ADD3: variants seen among roughly 807,000 people sequenced by gnomAD.
ADD3 encodes the protein adducin 3.
ADD3 carries 25 observed loss-of-function variants against 80.2 expected under a neutral mutation model. That is an observed-to-expected ratio of 0.31 (90% CI 0.23 to 0.44). The LOEUF (loss-of-function observed/expected upper bound fraction) is 0.44, where lower values mean the gene tolerates loss of function less well. Ranked by LOEUF, ADD3 falls within the 20% of genes least tolerant of loss-of-function variation. The pLI, the probability that ADD3 is intolerant of heterozygous loss-of-function variation, is 1.00. For synonymous variants in ADD3, 284 were observed against 289.6 expected, an observed-to-expected ratio of 0.98 and a Z score of 0.20; for missense variants, 829 against 847.5, an observed-to-expected ratio of 0.98 and a Z score of 0.27.
intron 1 of ADD3, among the ~76,000 whole-genome samples, chr10:110,039,339 TAAAAA>T (rs370308579): frequency 1.4e-5 from 2 of 144,646 alleles, no homozygotes; most frequent in African/African-American, 5.1e-5. Context: ...TTGGTGAAGT[TAAAAA>T]AAAAAAAGTG....
At chr10:110,072,740 A>G (rs1242330203) in intron 1 of ADD3, among the ~76,000 whole-genome samples, 7 of 152,212 alleles carry the variant, frequency 4.6e-5, no homozygotes, top group Non-Finnish European at 1.0e-4. Flanking sequence ...GGAGTTATCT[A>G]TGTGGTATTA....
chr10:110,133,645 T>A lies in ADD3; in HGVS notation c.*27T>A. 6.6e-7 allele frequency: 1 copy of A among 1,509,426 alleles called. No homozygotes were observed. Among genetic ancestry groups the A allele is most frequent in the Non-Finnish European group, 8.9e-7 (1 of 1,128,076 alleles). 93.5% of individuals were successfully genotyped at this position (1,509,426 alleles called of 1,614,324 possible). ...TAAAGTCTTTTTATAATTATTATTATAACAATGTGACATTGCACATCTAAA... is the reference window on the plus strand; with the variant it reads ...TAAAGTCTTTTTATAATTATTATTAAAACAATGTGACATTGCACATCTAAA... On this transcript the variant is annotated 3_prime_UTR_variant, in exon 15 of 15. Transcript: ENST00000356080.
rs993740625 is a variant in ADD3 at position 110,132,494 on chromosome 10, A to T, written c.1828+94A>T. On this transcript the variant is annotated intron_variant, in intron 14 of 14. Coordinates refer to ENST00000356080, the MANE Select transcript of ADD3 (RefSeq NM_016824.5). Reference sequence around the variant, plus strand: ...TTCACGTGAGGAAGTTGAATACCTCATCACAGTAAGTTTTCCATATTTTAC... The same window carrying T: ...TTCACGTGAGGAAGTTGAATACCTCTTCACAGTAAGTTTTCCATATTTTAC... 24 of 712,294 alleles carry T rather than the reference A, an allele frequency of 3.4e-5. No individual in the cohort carries two copies. The African/African-American group carries it at 4.1e-4, about 12-fold the overall frequency. The allele number at this position is 712,294 out of a possible 1,614,324, so 44.1% of individuals were successfully genotyped here. A position where few individuals can be genotyped will look rare whatever the true frequency, so the allele number is the denominator to read the frequency against.
chr10:110,015,374 T>C (rs1852839271), intron 1 of ADD3, among the ~76,000 whole-genome samples: 1 of 151,686 alleles, frequency 6.6e-6, no homozygotes, highest in Non-Finnish European at 1.5e-5. Context: ...ATTAGAATGT[T>C]TGATTTTTTT....
chr10:109,999,262 T>C (rs1851437552), intron 1 of ADD3, among the ~76,000 whole-genome samples: 1 of 152,222 alleles, frequency 6.6e-6, no homozygotes, highest in Non-Finnish European at 1.5e-5. Context: ...TATATTTTGC[T>C]GTCCATGTTC....
intron 1 of ADD3, among the ~76,000 whole-genome samples, chr10:110,040,936 C>G (rs1210353429): frequency 9.8e-6 from 1 of 101,974 alleles, no homozygotes; most frequent in Non-Finnish European, 2.1e-5. Flanking sequence ...CTCGCTCTCT[C>G]TCTCTCTCGC....
intron 1 of ADD3, among the ~76,000 whole-genome samples, chr10:110,073,807 T>G (rs948009283): frequency 3.9e-5 from 6 of 152,214 alleles, no homozygotes; most frequent in African/African-American, 1.4e-4. Context: ...CTCTGTGCTA[T>G]CTGTTGGAAT....
chr10:110,012,915 G>T (rs938825384), intron 1 of ADD3, among the ~76,000 whole-genome samples: 1 of 152,082 alleles, frequency 6.6e-6, no homozygotes, highest in African/African-American at 2.4e-5. Flanking sequence ...TTAAGGTAAG[G>T]TTAGATCTAA....
intron 1 of ADD3, among the ~76,000 whole-genome samples, chr10:110,090,660 T>C (rs1404198868): frequency 6.6e-6 from 1 of 152,256 alleles, no homozygotes; most frequent in Non-Finnish European, 1.5e-5. Flanking sequence ...TTAATTCATA[T>C]TATATTTTTA....
intron 1 of ADD3, among the ~76,000 whole-genome samples, chr10:110,080,419 A>G (rs1845936892): frequency 6.6e-6 from 1 of 152,222 alleles, no homozygotes; most frequent in African/African-American, 2.4e-5. Context: ...AAAAACATCT[A>G]TTGTATATAT....
chr10:110,080,235 T>TG lies in ADD3; in HGVS notation c.-29-20386dup, dbSNP rs1845917161. The stretch of plus-strand genomic sequence containing the variant: ...AAGTCGGGTAACTTGGGTGTGGTAT[T>TG]GGGGTGGGTCACCTGACCTCCTTGA... On this transcript the variant is annotated intron_variant, in intron 1 of 14. Coordinates refer to ENST00000356080, the MANE Select transcript of ADD3 (RefSeq NM_016824.5). Among the ~76,000 whole-genome samples the TG allele has an allele frequency of 3.9e-5, 6 of 152,300 alleles. No homozygotes were observed. The South Asian group carries it at 1.2e-3, about 32-fold the overall frequency.
intron 8 of ADD3, among the ~76,000 whole-genome samples, chr10:110,119,909 TGTG>T (rs1225370691): frequency 6.6e-6 from 1 of 152,210 alleles, no homozygotes; most frequent in Non-Finnish European, 1.5e-5. Context: ...TCAAATGTGT[TGTG>T]GTCACTTTTG....
chr10:110,111,560 C>T (rs1163016181), intron 2 of ADD3, among the ~76,000 whole-genome samples: 1 of 152,102 alleles, frequency 6.6e-6, no homozygotes, highest in African/African-American at 2.4e-5. Flanking sequence ...CTCACCCACC[C>T]CACCCCCAAA....
At chr10:110,086,313 G>A (rs1193901347) in intron 1 of ADD3, among the ~76,000 whole-genome samples, 1 of 148,750 alleles carries the variant, frequency 6.7e-6, no homozygotes, top group East Asian at 2.0e-4. Context: ...AGGAGGCTGA[G>A]GCAGGAGAAT....
chr10:110,032,033 C>CA (rs1164436808), intron 1 of ADD3, among the ~76,000 whole-genome samples: 4 of 152,052 alleles, frequency 2.6e-5, no homozygotes, highest in African/African-American at 9.6e-5. Context: ...AAATCAGTCA[C>CA]AAAAAATGTT....
intron 1 of ADD3, among the ~76,000 whole-genome samples, chr10:110,035,686 C>G (rs966123565): frequency 1.3e-5 from 2 of 152,166 alleles, no homozygotes; most frequent in Non-Finnish European, 2.9e-5. Flanking sequence ...CCATAAATTG[C>G]TAGGCCACAC....
chr10:110,011,657 T>C (rs763908217), intron 1 of ADD3, among the ~76,000 whole-genome samples: 16 of 152,228 alleles, frequency 1.1e-4, no homozygotes, highest in Non-Finnish European at 2.1e-4. Flanking sequence ...ACTTTAAATA[T>C]CTAATCGAGT....
chr10:110,116,230 ATC>A (rs770076871), intron 3 of ADD3, 27 bp from the exon 4 acceptor site: 27 of 1,611,146 alleles, frequency 1.7e-5, no homozygotes, highest in East Asian at 2.2e-5. Flanking sequence ...CATGACTCGT[ATC>A]TCTCTCCACA....
chr10:110,031,154 G>C (rs1201736508), intron 1 of ADD3, among the ~76,000 whole-genome samples: 5 of 152,284 alleles, frequency 3.3e-5, no homozygotes, highest in African/African-American at 1.2e-4. Flanking sequence ...CATGCCTGTA[G>C]TCCTAGCTAC....
Sources: allele counts gnomAD v4.1 joint callset (sites outside exome capture counted in the v4.1 genomes callset), GRCh38; gene constraint gnomAD v4.1.1; transcripts MANE v1.5; gene names NCBI Gene and HGNC (gene_info 2026-07-23, HGNC 2026-07-21).